Variants in CDH16 observed in about 807,000 individuals in gnomAD.
The protein encoded by CDH16 is cadherin-16.
A neutral mutation model predicts 87.6 loss-of-function variants in CDH16; 79 were observed. That is an observed-to-expected ratio of 0.90 (90% CI 0.75 to 1.09). CDH16 has a LOEUF of 1.09. CDH16 is among the 50% of genes least tolerant of loss of function. CDH16 has a pLI of 0.00. For missense variants in CDH16, 1,124 were observed against 1,071.7 expected (o/e 1.05, Z -0.68); for synonymous variants, 457 against 439.5 (o/e 1.04, Z -0.50).
intron 9 of CDH16, 40 bp downstream of exon 9, chr16:66,913,091 G>T: frequency 6.3e-7 from 1 of 1,577,190 alleles, no homozygotes; most frequent in Non-Finnish European, 8.6e-7. Flanking sequence ...AGACCAGGTG[G>T]TTAATAGAGA....
rs142467367 is a variant in CDH16 at position 66,909,520 on chromosome 16, C to T, written c.2276-137G>A. The T allele has an allele frequency of 5.3e-4, 345 of 656,140 alleles. 8 individuals carry two copies. In the East Asian group the frequency reaches 8.5e-3, roughly 16 times the overall value. 40.6% of individuals were successfully genotyped at this position (656,140 alleles called of 1,614,324 possible). A position where few individuals can be genotyped will look rare whatever the true frequency, so the allele number is the denominator to read the frequency against. ...ATTCACATGTGTGTGAAGATATATG[C>T]GCTAGCCAGGCGTGGTGGCTCACAC... is the stretch of plus-strand genomic sequence containing the variant. On this transcript the variant is annotated intron_variant, in intron 16 of 17. Coordinates refer to ENST00000299752, the MANE Select transcript of CDH16 (RefSeq NM_004062.4). The surrounding 1 kb of genome is among the most constrained non-coding windows in gnomAD (Gnocchi z 4.1).
chr16:66,918,066 G>C lies in CDH16; in HGVS notation c.-1C>G, dbSNP rs534719538. On this transcript the variant is annotated 5_prime_UTR_variant, in exon 2 of 18. Coordinates refer to ENST00000299752, the MANE Select transcript of CDH16 (RefSeq NM_004062.4). ...GCAGCCACAGCCAGGCAGGGACCAT[G>C]GTCAGGACAGGCCTGAGGGACACGG... The C allele has an allele frequency of 6.3e-7, 1 of 1,581,488 alleles. No homozygotes were observed. The highest frequency in any genetic ancestry group is 8.6e-7 in the Non-Finnish European group (1 of 1,163,472).
rs371705501 is a variant in CDH16 at position 66,917,614 on chromosome 16, C to T, written c.129+28G>A. On this transcript the variant is annotated intron_variant, in intron 3 of 17. Coordinates refer to ENST00000299752, the MANE Select transcript of CDH16 (RefSeq NM_004062.4). ...AGGACTTTGCGGGGAGGGATCCCCC[C>T]GGCCCCAACCCCAGCTCTCCGGCTC... The T allele has an allele frequency of 1.9e-5, 30 of 1,563,338 alleles. 1 individual carries two copies. The highest frequency in any genetic ancestry group is 6.7e-5 in the East Asian group (3 of 44,508).
Position 66,908,366 on chromosome 16 carries a change from C to T in CDH16, c.*26G>A. ...GACTCAGATGGAGCCAGAGGCCAAGCTCCCAGCTAGAGCTGCCTGGGCCAT... is the reference window on the plus strand; with the variant it reads ...GACTCAGATGGAGCCAGAGGCCAAGTTCCCAGCTAGAGCTGCCTGGGCCAT... On this transcript the variant is annotated 3_prime_UTR_variant, in exon 18 of 18. Coordinates refer to ENST00000299752, the MANE Select transcript of CDH16 (RefSeq NM_004062.4). 1.3e-6 allele frequency: 2 copies of T among 1,596,168 alleles called. No individual in the cohort carries two copies. The highest frequency in any genetic ancestry group is 1.7e-6 in the Non-Finnish European group (2 of 1,164,750).
At chr16:66,913,434 A>G (rs1962524914) in intron 8 of CDH16, 57 bp downstream of exon 8, 1 of 1,609,836 alleles carries the variant, frequency 6.2e-7, no homozygotes, top group African/African-American at 1.3e-5. Context: ...CCCAAAAGCC[A>G]ACTGGACACT....
intron 9 of CDH16, 100 bp from the exon 10 acceptor site, chr16:66,912,991 CGTGTGTGTGTGTGT>C (rs112552212): frequency 1.7e-5 from 19 of 1,114,986 alleles, no homozygotes; most frequent in African/African-American, 3.1e-5. Context: ...AATTTGAGCT[CGTGTGTGTGTGTGT>C]GTGTGTGTGT....
Position 66,916,511 on chromosome 16 carries a change from A to G in CDH16, c.130-82T>C. 1 of 1,442,060 alleles carries G rather than the reference A, an allele frequency of 6.9e-7. No individual in the cohort carries two copies. The allele number at this position is 1,442,060 out of a possible 1,614,324, so 89.3% of individuals were successfully genotyped here. A position where few individuals can be genotyped will look rare whatever the true frequency, so the allele number is the denominator to read the frequency against. The stretch of plus-strand genomic sequence containing the variant: ...CCTCCACCTGATGGCCTCATTTTAC[A>G]TGTGGGGAAACTGAGTCTCAGAGAC... On this transcript the variant is annotated intron_variant, in intron 3 of 17. Transcript: ENST00000299752. The surrounding 1 kb of genome is among the most constrained non-coding windows in gnomAD (Gnocchi z 4.1).
At position 66,909,047 on chromosome 16, in the gene CDH16, C is replaced by T. The variant is rs1379908108; in HGVS notation, c.2392+220G>A. On this transcript the variant is annotated intron_variant, in intron 17 of 17. Coordinates refer to ENST00000299752, the MANE Select transcript of CDH16 (RefSeq NM_004062.4). The surrounding 1 kb of genome is among the most constrained non-coding windows in gnomAD (Gnocchi z 4.1). ...GCTGGGAGGATTCCTGGCAATAGTC[C>T]CTGCCACACAGTCAATGTGCAATCA... Among the ~76,000 whole-genome samples, 2 of 152,140 alleles carry T rather than the reference C, an allele frequency of 1.3e-5. No homozygotes were observed. Among genetic ancestry groups the T allele is most frequent in the African/African-American group, 4.8e-5 (2 of 41,442 alleles).
intron 15 of CDH16, 22 bp from the exon 16 acceptor site, chr16:66,910,115 A>C (rs2145447056): frequency 3.1e-6 from 5 of 1,596,684 alleles, no homozygotes; most frequent in Non-Finnish European, 4.3e-6. Context: ...GCAGGCAAAG[A>C]CCAGGGTCAC....
Position 66,916,467 on chromosome 16 carries a change from A to G in CDH16, c.130-38T>C. ...AACAGAAGTGAAGGGAGCGGTGGCCAGGCCTGGGAGATGCCCCTCCTCCAC... is the reference window on the plus strand; with the variant it reads ...AACAGAAGTGAAGGGAGCGGTGGCCGGGCCTGGGAGATGCCCCTCCTCCAC... On this transcript the variant is annotated intron_variant, in intron 3 of 17. Transcript: ENST00000299752. This position sits in a 1 kb window ranked among gnomAD's most constrained non-coding sequence, Gnocchi z 4.1. 6.5e-7 allele frequency: 1 copy of G among 1,532,626 alleles called. No individual in the cohort carries two copies. The highest frequency in any genetic ancestry group is 8.8e-7 in the Non-Finnish European group (1 of 1,139,798). The allele number at this position is 1,532,626 out of a possible 1,614,324, so 94.9% of individuals were successfully genotyped here.
chr16:66,912,082 G>T lies in CDH16; in HGVS notation c.1607C>A (p.Ala536Glu), dbSNP rs144256538. 1 of 1,613,932 alleles carries T rather than the reference G, an allele frequency of 6.2e-7. No homozygotes were observed. Among genetic ancestry groups the T allele is most frequent in the Admixed American group, 1.7e-5 (1 of 60,022 alleles). ...GCCTGGGCCTGGCCCCACCAGCTTC[G>T]CCACACTCTGCACCACCACCACCAC... ...HEVVVVVQSVAKLVGPGPGPG... is the reference protein window; with the variant it reads ...HEVVVVVQSVEKLVGPGPGPG... Residue 536 changes from alanine to glutamate, a missense_variant, in exon 13 of 18, where the codon GCG becomes GAG. Physicochemically the swap from Ala to Glu is moderately radical, Grantham distance 107 (BLOSUM62 -1). Coordinates refer to ENST00000299752, the MANE Select transcript of CDH16 (RefSeq NM_004062.4).
chr16:66,913,363 C>T (rs2145459830), intron 8 of CDH16, 82 bp from the exon 9 acceptor site: 3 of 1,554,994 alleles, frequency 1.9e-6, no homozygotes, highest in Non-Finnish European at 2.6e-6. Flanking sequence ...TTCCGGTGGG[C>T]CAGCTCCAGC....
At chr16:66,913,650 T>C (rs996515932) in intron 7 of CDH16, 37 bp from the exon 8 acceptor site, 1 of 1,609,674 alleles carries the variant, frequency 6.2e-7, no homozygotes, top group Admixed American at 1.7e-5. Flanking sequence ...GCAGGAACAA[T>C]CCATGTCAGC....
chr16:66,913,300 G>C lies in CDH16; in HGVS notation c.904-19C>G, dbSNP rs376373320. 2.6e-6 allele frequency: 4 copies of C among 1,545,216 alleles called. No homozygotes were observed. The highest frequency in any genetic ancestry group is 1.7e-6 in the Non-Finnish European group (2 of 1,145,350). On this transcript the variant is annotated intron_variant, in intron 8 of 17. Transcript: ENST00000299752. The stretch of plus-strand genomic sequence containing the variant: ...GCAGGTACTGCGGTGGGCAGTAGGG[G>C]GCTTCAGGTCAGGACCAAGGGCAGC...
In CDH16 at chr16:66,913,484, A is replaced by G. The variant is rs749485357; in HGVS notation, c.903+7T>C. ...AGCCTGCATCCCTGGCTCCCCCTTC[A>G]TATCACCTCAGCCTGGGCTTCTCTG... On this transcript the variant is annotated splice_region_variant and intron_variant, in intron 8 of 17. Transcript: ENST00000299752. The G allele has an allele frequency of 1.6e-5, 26 of 1,613,904 alleles. No individual in the cohort carries two copies. Among genetic ancestry groups the G allele is most frequent in the Non-Finnish European group, 2.1e-5 (25 of 1,179,968 alleles).
chr16:66,910,048 C>T lies in CDH16; in HGVS notation c.2213G>A (p.Arg738His), dbSNP rs139533607. 4.8e-5 allele frequency: 78 copies of T among 1,613,086 alleles called. 1 individual carries two copies. The South Asian group carries it at 8.1e-4, about 17-fold the overall frequency. Residue 738 changes from arginine (R) to histidine (H), a missense_variant, in exon 16 of 18, where the codon CGT becomes CAT. Physicochemically the swap from Arg to His is conservative, Grantham distance 29. Coordinates refer to ENST00000299752, the MANE Select transcript of CDH16 (RefSeq NM_004062.4). ...LTLALHWVEPREHIIPVVVSH... is the reference protein window; with the variant it reads ...LTLALHWVEPHEHIIPVVVSH... Reference sequence around the variant, plus strand: ...GACCACCACGGGGATTATGTGTTCACGTGGCTCCACCCAATGCAGGGCCAA... The same window carrying T: ...GACCACCACGGGGATTATGTGTTCATGTGGCTCCACCCAATGCAGGGCCAA...
chr16:66,912,464 C>T (rs1479865402), intron 11 of CDH16, 34 bp from the exon 12 acceptor site: 1 of 1,614,158 alleles, frequency 6.2e-7, no homozygotes, highest in Admixed American at 1.7e-5. Context: ...AGCCCCCCAC[C>T]AGCATCCTTC....
In CDH16 at chr16:66,909,147, A is replaced by G. The variant is rs1962291056; in HGVS notation, c.2392+120T>C. The G allele has an allele frequency of 9.8e-6, 7 of 717,192 alleles. No homozygotes were observed. Among genetic ancestry groups the G allele is most frequent in the Non-Finnish European group, 1.8e-5 (7 of 391,276 alleles). 44.4% of individuals were successfully genotyped at this position (717,192 alleles called of 1,614,324 possible). On this transcript the variant is annotated intron_variant, in intron 17 of 17. Transcript: ENST00000299752. This position sits in a 1 kb window ranked among gnomAD's most constrained non-coding sequence, Gnocchi z 4.1. ...AGGGCAGGCGCATAATGACTAGGAGAGTTGGGGGCTTCCTTTTTCAGAGCT... is the reference window on the plus strand; with the variant it reads ...AGGGCAGGCGCATAATGACTAGGAGGGTTGGGGGCTTCCTTTTTCAGAGCT...
At chr16:66,911,390 G>T in intron 13 of CDH16, 75 bp from the exon 14 acceptor site, 1 of 1,475,208 alleles carries the variant, frequency 6.8e-7, no homozygotes, top group Non-Finnish European at 9.2e-7. Flanking sequence ...CCAGGGCTGT[G>T]TGACTTGCTT....
Sources: gnomAD v4.1 joint callset for allele counts (sites outside exome capture counted in the v4.1 genomes callset) on GRCh38, gnomAD v4.1.1 for gene constraint, Gnocchi (gnomAD v3.1) non-coding constraint, MANE v1.5 for transcripts, NCBI Gene and HGNC (gene_info 2026-07-23, HGNC 2026-07-21) for gene names.